QKI: variants seen among roughly 807,000 people sequenced by gnomAD.
QKI encodes KH domain-containing RNA-binding protein QKI.
A neutral mutation model predicts 39.0 loss-of-function variants in QKI; 10 were observed. The ratio of observed to expected loss-of-function variants is 0.26; its 90% CI spans 0.16 to 0.43. QKI has a LOEUF of 0.43. QKI is among the 20% of genes least tolerant of loss of function. The pLI, the probability that QKI is intolerant of heterozygous loss-of-function variation, is 1.00. For missense variants in QKI, 218 were observed against 428.0 expected, an observed-to-expected ratio of 0.51 and a Z score of 4.33; for synonymous variants, 204 against 155.4, an observed-to-expected ratio of 1.31 and a Z score of -2.33.
At chr6:163,456,968 G>A (rs193019723) in intron 2 of QKI, among the ~76,000 whole-genome samples, 4 of 152,174 alleles carry the variant, frequency 2.6e-5, no homozygotes, top group Admixed American at 1.3e-4. Flanking sequence ...TTCTGACTGG[G>A]GAAGTGAGGT....
chr6:163,476,381 A>G (rs758461460), intron 2 of QKI, among the ~76,000 whole-genome samples: 102 of 149,518 alleles, frequency 6.8e-4, no homozygotes, highest in African/African-American at 2.2e-3. Context: ...CTCTCTCATG[A>G]TAGAGCCCTT....
At chr6:163,531,763 C>A (rs1396381227) in intron 3 of QKI, among the ~76,000 whole-genome samples, 2 of 152,218 alleles carry the variant, frequency 1.3e-5, no homozygotes, top group East Asian at 1.9e-4. Context: ...CCTCGGCCCC[C>A]CCAAAGTGCT....
At position 163,525,338 on chromosome 6, in the gene QKI, CTTCT is replaced by C. The variant is rs955320657; in HGVS notation, c.403-9638_403-9635del. Among the ~76,000 whole-genome samples, 5 of 145,608 alleles carry C rather than the reference CTTCT, an allele frequency of 3.4e-5. No homozygotes were observed. In the Admixed American group the frequency reaches 3.5e-4, roughly 10 times the overall value. On this transcript the variant is annotated intron_variant, in intron 3 of 7. Coordinates refer to ENST00000361752, the MANE Select transcript of QKI (RefSeq NM_006775.3). Reference sequence around the variant, plus strand: ...TCTTTTCTCTCTCTCCTCTCTCTCTCTTCTTTCTTCTTTCCCTCCCTTCCTTTCC... The same window carrying C: ...TCTTTTCTCTCTCTCCTCTCTCTCTCTTCTTCTTTCCCTCCCTTCCTTTCC...
chr6:163,547,972 T>G (rs933780229), intron 4 of QKI, among the ~76,000 whole-genome samples: 3 of 152,202 alleles, frequency 2.0e-5, no homozygotes, highest in Non-Finnish European at 2.9e-5. Flanking sequence ...ATGTGCCTAC[T>G]TTTCCAACTT....
intron 3 of QKI, among the ~76,000 whole-genome samples, chr6:163,491,993 TAA>T (rs767380682): frequency 2.6e-5 from 4 of 152,210 alleles, no homozygotes; most frequent in Non-Finnish European, 5.9e-5. Context: ...CTTTTAAAAT[TAA>T]GTCTTGATTG....
intron 1 of QKI, among the ~76,000 whole-genome samples, chr6:163,429,503 T>C (rs1027201771): frequency 5.3e-5 from 8 of 152,198 alleles, no homozygotes; most frequent in Non-Finnish European, 7.4e-5. Flanking sequence ...TATAATTTAC[T>C]TAACTAATCT....
At chr6:163,551,595 A>G (rs1782237299) in intron 4 of QKI, among the ~76,000 whole-genome samples, 1 of 152,218 alleles carries the variant, frequency 6.6e-6, no homozygotes, top group Non-Finnish European at 1.5e-5. Flanking sequence ...GTTTGGGTAT[A>G]AGTGAAAGTA....
In QKI at chr6:163,574,079, T is replaced by G. The variant is rs900403077; in HGVS notation, c.*3369T>G. On this transcript the variant is annotated 3_prime_UTR_variant, in exon 8 of 8. Coordinates refer to ENST00000361752, the MANE Select transcript of QKI (RefSeq NM_006775.3). ...AAAGTAGCCTTTGTTTGAGGCATTC[T>G]TCTCTTGCCACTTGCCTTTCAGCAT... 5 of 152,322 alleles carry G rather than the reference T, an allele frequency of 3.3e-5. No homozygotes were observed. The highest frequency in any genetic ancestry group is 7.2e-5 in the African/African-American group (3 of 41,580). 9.4% of individuals were successfully genotyped at this position (152,322 alleles called of 1,614,324 possible). A position where few individuals can be genotyped will look rare whatever the true frequency, so the allele number is the denominator to read the frequency against.
intron 4 of QKI, among the ~76,000 whole-genome samples, chr6:163,552,374 AATTTTTTGT>A (rs1307191061): frequency 6.6e-6 from 1 of 151,828 alleles, no homozygotes; most frequent in Non-Finnish European, 1.5e-5. Flanking sequence ...ACGCCTGGCT[AATTTTTTGT>A]ATTTTTTGAC....
chr6:163,447,897 AT>A (rs1415662386), intron 1 of QKI, among the ~76,000 whole-genome samples: 1 of 152,166 alleles, frequency 6.6e-6, no homozygotes, highest in Non-Finnish European at 1.5e-5. Context: ...AATTTATATA[AT>A]AACATGAAAG....
chr6:163,509,384 T>TA (rs1485170587), intron 3 of QKI, among the ~76,000 whole-genome samples: 1 of 152,152 alleles, frequency 6.6e-6, no homozygotes, highest in Non-Finnish European at 1.5e-5. Context: ...TTTACCCTGA[T>TA]ACTGGTAAAT....
At chr6:163,520,350 T>TA (rs765142749) in intron 3 of QKI, among the ~76,000 whole-genome samples, 4 of 152,118 alleles carry the variant, frequency 2.6e-5, no homozygotes, top group Admixed American at 2.0e-4. Flanking sequence ...ATAGAATATG[T>TA]AAAAAATGGC....
chr6:163,548,500 A>G (rs1277467451), intron 4 of QKI, among the ~76,000 whole-genome samples: 1 of 152,226 alleles, frequency 6.6e-6, no homozygotes, highest in East Asian at 1.9e-4. Context: ...ACACATACGT[A>G]AGCCTACCCA....
rs970700589 is a variant in QKI, at chr6:163,578,379, A to G, written c.*7669A>G. Reference sequence around the variant, plus strand: ...AACTGTCAAGCTTGGGAATGAGGAAAGTGCCTTGGCTGTGCTTGAAACCTG... The same window carrying G: ...AACTGTCAAGCTTGGGAATGAGGAAGGTGCCTTGGCTGTGCTTGAAACCTG... On this transcript the variant is annotated 3_prime_UTR_variant, in exon 8 of 8. Transcript: ENST00000361752. 6.6e-6 allele frequency: 1 copy of G among 152,224 alleles called. No individual in the cohort carries two copies. Among genetic ancestry groups the G allele is most frequent in the African/African-American group, 2.4e-5 (1 of 41,468 alleles). The allele number at this position is 152,224 out of a possible 1,614,324, so 9.4% of individuals were successfully genotyped here.
At chr6:163,567,968 T>G (rs931390626) in intron 7 of QKI, 2 of 985,144 alleles carry the variant, frequency 2.0e-6, no homozygotes, top group Non-Finnish European at 2.4e-6. Flanking sequence ...TTGTTAATAT[T>G]TGTTTAGCAT....
intron 6 of QKI, chr6:163,564,375 G>T: frequency 8.2e-7 from 1 of 1,218,378 alleles, no homozygotes; most frequent in Admixed American, 3.4e-5. Flanking sequence ...AATCTTATGG[G>T]ACCACATAGT....
At chr6:163,525,360 T>C (rs989413479) in intron 3 of QKI, among the ~76,000 whole-genome samples, 1 of 150,514 alleles carries the variant, frequency 6.6e-6, no homozygotes, top group African/African-American at 2.4e-5. Flanking sequence ...TTCCCTCCCT[T>C]CCTTTCCTTT....
chr6:163,523,066 T>C (rs1780258079), intron 3 of QKI, among the ~76,000 whole-genome samples: 1 of 152,232 alleles, frequency 6.6e-6, no homozygotes, highest in Non-Finnish European at 1.5e-5. Flanking sequence ...CATTAGGCTG[T>C]GATCTTTTGC....
intron 6 of QKI, chr6:163,565,415 A>G (rs1292188417): frequency 4.1e-6 from 4 of 985,978 alleles, no homozygotes; most frequent in Non-Finnish European, 4.8e-6. Flanking sequence ...GCCACGTGGA[A>G]TTGTACTTGT....
Sources: gnomAD v4.1 joint callset for allele counts (sites outside exome capture counted in the v4.1 genomes callset) on GRCh38, gnomAD v4.1.1 for gene constraint, MANE v1.5 for transcripts, NCBI Gene and HGNC (gene_info 2026-07-23, HGNC 2026-07-21) for gene names.